Variants in RBM27 observed in about 807,000 individuals in gnomAD.
RBM27 encodes RNA binding motif protein 27, also known as RNA-binding protein 27.
A neutral mutation model predicts 135.3 loss-of-function variants in RBM27; 22 were observed. That is an observed-to-expected ratio of 0.16 (90% confidence interval 0.12 to 0.23). RBM27 has a LOEUF of 0.23. Ranked by LOEUF, RBM27 falls within the 10% of genes least tolerant of loss-of-function variation. RBM27 has a pLI of 1.00. For missense variants in RBM27, 1,009 were observed against 1,281.0 expected, an observed-to-expected ratio of 0.79 and a Z score of 3.24; for synonymous variants, 481 against 442.4, an observed-to-expected ratio of 1.09 and a Z score of -1.10.
intron 8 of RBM27, among the ~76,000 whole-genome samples, chr5:146,241,335 A>G (rs1757400241): frequency 6.6e-6 from 1 of 152,222 alleles, no homozygotes; most frequent in African/African-American, 2.4e-5. Flanking sequence ...TTGAATGCCT[A>G]CTATGTGCCA....
chr5:146,237,652 G>A (rs188479538), intron 8 of RBM27, among the ~76,000 whole-genome samples: 66 of 152,266 alleles, frequency 4.3e-4, no homozygotes, highest in Non-Finnish European at 6.9e-4. Context: ...CTGTTTTGGA[G>A]AATTTTACTC....
chr5:146,278,109 C>T (rs1396617391), intron 19 of RBM27, among the ~76,000 whole-genome samples: 1 of 152,068 alleles, frequency 6.6e-6, no homozygotes, highest in Non-Finnish European at 1.5e-5. Context: ...GATGAGAGTA[C>T]CTATTTGCTC....
At chr5:146,261,869 A>G (rs1758416077) in intron 13 of RBM27, 63 bp downstream of exon 13, 3 of 1,547,394 alleles carry the variant, frequency 1.9e-6, no homozygotes, top group Middle Eastern at 4.3e-4. Context: ...GTATTTTTCA[A>G]TTCCTGGTCC....
At chr5:146,262,078 A>G (rs1758424138) in intron 13 of RBM27, among the ~76,000 whole-genome samples, 1 of 152,180 alleles carries the variant, frequency 6.6e-6, no homozygotes, top group African/African-American at 2.4e-5. Flanking sequence ...TGATTCTTAC[A>G]TACCTTAAAG....
chr5:146,231,096 G>A lies in RBM27; in HGVS notation c.850+179G>A, dbSNP rs189571061. Among the ~76,000 whole-genome samples, 1,044 of 151,680 alleles carry A rather than the reference G, an allele frequency of 6.9e-3. 10 individuals carry two copies. Among genetic ancestry groups the A allele is most frequent in the South Asian group, 0.012 (57 of 4,782 alleles). On this transcript the variant is annotated intron_variant, in intron 6 of 20. Transcript: ENST00000265271. Reference sequence around the variant, plus strand: ...GAGTGCAGTGGCTCGATCTTGGCTCGCTGCAACCTCCATCTCCCGGGTTCA... The same window carrying A: ...GAGTGCAGTGGCTCGATCTTGGCTCACTGCAACCTCCATCTCCCGGGTTCA...
chr5:146,265,487 CTT>C (rs1056742626), intron 14 of RBM27, among the ~76,000 whole-genome samples: 2 of 152,106 alleles, frequency 1.3e-5, no homozygotes, highest in African/African-American at 2.4e-5. Context: ...AGCTAGATGA[CTT>C]TTGATTACGT....
At position 146,233,660 on chromosome 5, in the gene RBM27, G is replaced by T. The variant is rs985109824; in HGVS notation, c.1061G>T (p.Gly354Val). The change falls in exon 7 of 21, where the codon GGT becomes GTT. Residue 354 changes from glycine (G) to valine (V), a missense_variant. Around this residue, in one of 6 missense-constraint regions of RBM27, gnomAD observed 329 missense variants for 368.1 expected, o/e 0.89. Transcript: ENST00000265271. ...GGTCCAGGCCCAGGCCCGGGCCCAG[G>T]TCCAGGTCCTGGCCATAGTATGAGA... ...GPGPGPGPGP[G>V]PGPGHSMRLP... 25 of 1,564,494 alleles carry T rather than the reference G, an allele frequency of 1.6e-5. No individual in the cohort carries two copies. The highest frequency in any genetic ancestry group is 2.1e-5 in the Non-Finnish European group (25 of 1,165,806).
At chr5:146,248,211 C>T (rs965145630) in intron 8 of RBM27, among the ~76,000 whole-genome samples, 8 of 149,354 alleles carry the variant, frequency 5.4e-5, no homozygotes, top group African/African-American at 1.5e-4. Flanking sequence ...TCAATAGGAG[C>T]CTCTTCATGT....
At position 146,261,692 on chromosome 5, in the gene RBM27, G is replaced by A. The variant is rs765366461; in HGVS notation, c.2076G>A (p.Gln692=). ...QSSAQLLLQQ[Q]QTLSHLSQQH... is the part of the protein sequence containing the mutation. ...CAGCACAGCTGCTCCTGCAACAACA[G>A]CAAACACTTAGTCACCTCTCACAGC... The change falls in exon 13 of 21, where the codon CAG becomes CAA. Residue 692 remains glutamine (Q), a synonymous_variant. Coordinates refer to ENST00000265271, the MANE Select transcript of RBM27 (RefSeq NM_018989.2). The A allele has an allele frequency of 6.1e-5, 98 of 1,614,026 alleles. No individual in the cohort carries two copies. The highest frequency in any genetic ancestry group is 3.7e-4 in the Admixed American group (22 of 59,992).
intron 7 of RBM27, among the ~76,000 whole-genome samples, chr5:146,236,353 T>C (rs567762218): frequency 6.6e-6 from 1 of 152,330 alleles, no homozygotes; most frequent in South Asian, 2.1e-4. Flanking sequence ...TAAGCATGCT[T>C]ATCATTAACT....
chr5:146,281,449 C>T (rs1303468922), intron 19 of RBM27, among the ~76,000 whole-genome samples: 1 of 152,132 alleles, frequency 6.6e-6, no homozygotes, highest in African/African-American at 2.4e-5. Flanking sequence ...CCCTCTAAAA[C>T]AGGAGTGTCC....
intron 5 of RBM27, among the ~76,000 whole-genome samples, chr5:146,230,173 C>T (rs1756868459): frequency 6.6e-6 from 1 of 152,148 alleles, no homozygotes; most frequent in African/African-American, 2.4e-5. Flanking sequence ...ATAATGGATA[C>T]AAATATCCTT....
chr5:146,254,890 G>T, intron 9 of RBM27, 53 bp from the exon 10 acceptor site: 1 of 1,412,264 alleles, frequency 7.1e-7, no homozygotes, highest in Non-Finnish European at 9.6e-7. Context: ...AATGAGAGAT[G>T]GTTTAACCTC....
At chr5:146,270,230 G>A (rs1758804339) in intron 17 of RBM27, among the ~76,000 whole-genome samples, 1 of 152,032 alleles carries the variant, frequency 6.6e-6, no homozygotes, top group South Asian at 2.1e-4. Flanking sequence ...TTAGTCAGTG[G>A]TTCCATTACA....
chr5:146,238,164 T>C lies in RBM27; in HGVS notation c.1279+732T>C, dbSNP rs141605418. ...TAAAGGTAGAGCATCATTTAAATTG[T>C]AATTTTCTGTATTTAGGCTGTTTGT... On this transcript the variant is annotated intron_variant, in intron 8 of 20. Transcript: ENST00000265271. Among the ~76,000 whole-genome samples, 534 of 152,362 alleles carry C rather than the reference T, an allele frequency of 3.5e-3. 4 individuals carry two copies. The highest frequency in any genetic ancestry group is 4.8e-3 in the South Asian group (23 of 4,834).
At chr5:146,228,282 C>CT (rs1043361050) in intron 3 of RBM27, among the ~76,000 whole-genome samples, 1,385 of 111,694 alleles carry the variant, frequency 0.012, 18 homozygotes, top group African/African-American at 0.034. Flanking sequence ...ACCATTCTTT[C>CT]TTTTTTTTTT....
At chr5:146,281,492 A>G (rs1759349719) in intron 19 of RBM27, among the ~76,000 whole-genome samples, 1 of 152,236 alleles carries the variant, frequency 6.6e-6, no homozygotes, top group South Asian at 2.1e-4. Flanking sequence ...ACACTGGAAG[A>G]AGAATAATTG....
intron 18 of RBM27, 68 bp from the exon 19 acceptor site, chr5:146,271,415 A>AT: frequency 4.4e-6 from 6 of 1,359,376 alleles, no homozygotes; most frequent in Non-Finnish European, 6.0e-6. Flanking sequence ...AAAAAAAAAA[A>AT]GTTTTCCTTT....
rs185212780 is a variant in RBM27, at chr5:146,237,591, A to G, written c.1279+159A>G. On this transcript the variant is annotated intron_variant, in intron 8 of 20. Coordinates refer to ENST00000265271, the MANE Select transcript of RBM27 (RefSeq NM_018989.2). ...ATACAGTTTATCGTGTGTTTCTGCT[A>G]TATAGCCACATTTTAATTTTGTGTG... 9.2e-5 allele frequency among the ~76,000 whole-genome samples: 14 copies of G among 152,376 alleles called. No homozygotes were observed. In the East Asian group the frequency reaches 2.7e-3, roughly 29 times the overall value.
Sources: allele counts gnomAD v4.1 joint callset (sites outside exome capture counted in the v4.1 genomes callset), GRCh38; gene constraint gnomAD v4.1.1; regional missense constraint gnomAD v4.1.1; transcripts MANE v1.5; gene names NCBI Gene and HGNC (gene_info 2026-07-23, HGNC 2026-07-21).